Variants in GABBR2 observed in about 807,000 individuals in gnomAD.
The protein encoded by GABBR2 is G-protein coupled receptor 51.
A neutral mutation model predicts 105.6 loss-of-function variants in GABBR2; 23 were observed. That is an observed-to-expected ratio of 0.22 (90% CI 0.16 to 0.31). GABBR2 has a LOEUF of 0.31. GABBR2 is among the 10% of genes least tolerant of loss of function. The pLI, the probability that GABBR2 is intolerant of heterozygous loss-of-function variation, is 1.00. For synonymous variants in GABBR2, 478 were observed against 499.7 expected, an observed-to-expected ratio of 0.96 and a Z score of 0.58; for missense variants, 734 against 1,245.5, an observed-to-expected ratio of 0.59 and a Z score of 6.18.
chr9:98,509,662 G>A (rs527784217), intron 3 of GABBR2, among the ~76,000 whole-genome samples: 2 of 152,164 alleles, frequency 1.3e-5, no homozygotes, highest in East Asian at 1.9e-4. Flanking sequence ...CTGGAAGAAA[G>A]GGTATCAGGG....
At chr9:98,563,628 T>A (rs1166923757) in intron 2 of GABBR2, among the ~76,000 whole-genome samples, 3 of 152,166 alleles carry the variant, frequency 2.0e-5, no homozygotes, top group Non-Finnish European at 4.4e-5. Context: ...CAACATGTCA[T>A]GTTAGAAGAG....
At chr9:98,373,632 C>T (rs1831823117) in intron 11 of GABBR2, among the ~76,000 whole-genome samples, 1 of 152,186 alleles carries the variant, frequency 6.6e-6, no homozygotes, top group Non-Finnish European at 1.5e-5. Flanking sequence ...CCTCAGCACA[C>T]TTGTAAAGCT....
intron 7 of GABBR2, among the ~76,000 whole-genome samples, chr9:98,413,874 A>C (rs1832634568): frequency 6.6e-6 from 1 of 152,232 alleles, no homozygotes; most frequent in African/African-American, 2.4e-5. Context: ...TTATAATAAG[A>C]GAGTCAGGCT....
intron 7 of GABBR2, among the ~76,000 whole-genome samples, chr9:98,434,089 A>G (rs1245481945): frequency 1.6e-4 from 25 of 152,138 alleles, no homozygotes; most frequent in Admixed American, 1.6e-3. Flanking sequence ...TCAGCTGCCA[A>G]TGCAGCCAGA....
intron 7 of GABBR2, among the ~76,000 whole-genome samples, chr9:98,441,330 T>G (rs1826027740): frequency 6.6e-6 from 1 of 151,852 alleles, no homozygotes; most frequent in South Asian, 2.1e-4. Flanking sequence ...AATAACCCAT[T>G]TAATAAAAAC....
At chr9:98,296,319 C>T (rs1483121238) in intron 17 of GABBR2, among the ~76,000 whole-genome samples, 1 of 152,180 alleles carries the variant, frequency 6.6e-6, no homozygotes, top group African/African-American at 2.4e-5. Context: ...AGACACTGAA[C>T]CTACTGGCAC....
intron 7 of GABBR2, among the ~76,000 whole-genome samples, chr9:98,406,741 A>C (rs1001403753): frequency 6.6e-6 from 1 of 152,230 alleles, no homozygotes; most frequent in African/African-American, 2.4e-5. Context: ...TGTCACAGGC[A>C]GCTGAGTGCC....
intron 14 of GABBR2, among the ~76,000 whole-genome samples, chr9:98,308,814 T>C (rs76649426): frequency 0.018 from 2,745 of 152,322 alleles, 82 homozygotes; most frequent in African/African-American, 0.061. Context: ...TACATTTCTG[T>C]TTGTTTTGTA....
At chr9:98,447,972 T>G (rs187933399) in intron 7 of GABBR2, among the ~76,000 whole-genome samples, 1 of 152,290 alleles carries the variant, frequency 6.6e-6, no homozygotes, top group Non-Finnish European at 1.5e-5. Flanking sequence ...CAATACACTC[T>G]GCAAATCGCC....
intron 3 of GABBR2, among the ~76,000 whole-genome samples, chr9:98,523,804 C>T (rs1827910969): frequency 6.6e-6 from 1 of 152,142 alleles, no homozygotes; most frequent in Non-Finnish European, 1.5e-5. Context: ...AGGGGTGGTA[C>T]TTCAAGACAG....
At chr9:98,324,657 T>C (rs1378695125) in intron 13 of GABBR2, among the ~76,000 whole-genome samples, 1 of 152,132 alleles carries the variant, frequency 6.6e-6, no homozygotes, top group African/African-American at 2.4e-5. Context: ...CAAAACAGGA[T>C]GCGTAATGGC....
intron 6 of GABBR2, among the ~76,000 whole-genome samples, chr9:98,458,469 C>T (rs866146638): frequency 3.9e-5 from 6 of 152,126 alleles, no homozygotes; most frequent in Non-Finnish European, 8.8e-5. Context: ...TTTGGGAGGC[C>T]GAGGCAGGTG....
chr9:98,451,837 G>A (rs762679750), intron 7 of GABBR2, among the ~76,000 whole-genome samples: 1 of 152,064 alleles, frequency 6.6e-6, no homozygotes, highest in Non-Finnish European at 1.5e-5. Context: ...CCTCCCTCTT[G>A]CATTTCTTCC....
In GABBR2 at chr9:98,325,008, C is replaced by T. The variant is rs572216845; in HGVS notation, c.1894-13803G>A. Among the ~76,000 whole-genome samples, 38 of 152,268 alleles carry T rather than the reference C, an allele frequency of 2.5e-4. No individual in the cohort carries two copies. The South Asian group carries it at 7.9e-3, about 32-fold the overall frequency. On this transcript the variant is annotated intron_variant, in intron 13 of 18. Coordinates refer to ENST00000259455, the MANE Select transcript of GABBR2 (RefSeq NM_005458.8). ...TATTCTAGTTTATAGGGTTACGCAA[C>T]TTTCGGGCTTGAAGAGACTCAAGTG...
intron 1 of GABBR2, among the ~76,000 whole-genome samples, chr9:98,669,983 G>A (rs891192654): frequency 6.6e-6 from 1 of 151,820 alleles, no homozygotes; most frequent in African/African-American, 2.4e-5. Context: ...GCGGGGGTGG[G>A]AGGATGCAGC....
chr9:98,298,312 T>C (rs1165314497), intron 17 of GABBR2, among the ~76,000 whole-genome samples: 1 of 152,160 alleles, frequency 6.6e-6, no homozygotes, highest in African/African-American at 2.4e-5. Flanking sequence ...TGCCATGTTT[T>C]GCTATATCTT....
At chr9:98,491,087 A>AT (rs1266486895) in intron 4 of GABBR2, among the ~76,000 whole-genome samples, 1 of 151,472 alleles carries the variant, frequency 6.6e-6, no homozygotes, top group Non-Finnish European at 1.5e-5. Flanking sequence ...TTCCGTCTCT[A>AT]TTTTTAACAG....
intron 7 of GABBR2, among the ~76,000 whole-genome samples, chr9:98,429,755 G>A (rs1335048706): frequency 6.6e-6 from 1 of 152,126 alleles, no homozygotes; most frequent in Non-Finnish European, 1.5e-5. Flanking sequence ...AGTCTGGAAG[G>A]GGAGGCGAGA....
At chr9:98,687,897 C>G (rs1400403373) in intron 1 of GABBR2, among the ~76,000 whole-genome samples, 1 of 152,152 alleles carries the variant, frequency 6.6e-6, no homozygotes, top group African/African-American at 2.4e-5. Flanking sequence ...CCAAAGCCAC[C>G]AATGGAAGTG....
Sources: allele counts gnomAD v4.1 joint callset (sites outside exome capture counted in the v4.1 genomes callset), GRCh38; gene constraint gnomAD v4.1.1; transcripts MANE v1.5; gene names NCBI Gene and HGNC (gene_info 2026-07-23, HGNC 2026-07-21).